The following RPH3AL variants were observed in gnomAD, a reference collection of about 807,000 sequenced individuals.
RPH3AL encodes the protein rabphilin 3A like (without C2 domains).
In RPH3AL, 38 loss-of-function variants were observed where a neutral mutation model predicts 43.1. The observed-to-expected ratio is 0.88, with a 90% CI of 0.68 to 1.15. RPH3AL has a LOEUF of 1.15. Among genes scored for constraint, RPH3AL ranks in the 50% most tolerant of loss-of-function variants. The probability of loss-of-function intolerance (pLI) is 0.00; values close to 1 mark genes in which losing one functional copy is unlikely to be tolerated. For synonymous variants in RPH3AL, 189 were observed against 176.3 expected (o/e 1.07, Z -0.57); for missense variants, 462 against 423.2 (o/e 1.09, Z -0.81).
intron 6 of RPH3AL, among the ~76,000 whole-genome samples, chr17:268,918 A>C (rs377546801): frequency 6.6e-6 from 1 of 151,214 alleles, no homozygotes; most frequent in African/African-American, 2.4e-5. Flanking sequence ...TCGCTCCGTC[A>C]CCCAGGCTGG....
chr17:221,816 G>GCCTCCACTCACT (rs2151502722), intron 7 of RPH3AL, among the ~76,000 whole-genome samples: 1 of 113,110 alleles, frequency 8.8e-6, no homozygotes, highest in Non-Finnish European at 1.9e-5. Context: ...CAGCTCTGAG[G>GCCTCCACTCACT]GCTCCACTCA....
rs544593058 is a variant in RPH3AL, at chr17:278,181, C to T, written c.438+3587G>A. ...GGGGCGGTTCCCTCCATACTGTTCT[C>T]GTGATAGTGAATGAGTCTCACGAGA... is the stretch of plus-strand genomic sequence containing the variant. On this transcript the variant is annotated intron_variant, in intron 6 of 9. Transcript: ENST00000331302. Among the ~76,000 whole-genome samples, 9 of 152,204 alleles carry T rather than the reference C, an allele frequency of 5.9e-5. No homozygotes were observed. The South Asian group carries it at 1.2e-3, about 21-fold the overall frequency.
chr17:213,664 G>A lies in RPH3AL; in HGVS notation c.*188C>T, dbSNP rs1247165530. On this transcript the variant is annotated 3_prime_UTR_variant, in exon 10 of 10. Coordinates refer to ENST00000331302, the MANE Select transcript of RPH3AL (RefSeq NM_006987.4). Reference sequence around the variant, plus strand: ...GTGGTTGGAGGGGGTGGCGGATGCAGACAGCTCCCCAGGAGAGAAGGGGTG... The same window carrying A: ...GTGGTTGGAGGGGGTGGCGGATGCAAACAGCTCCCCAGGAGAGAAGGGGTG... 2 of 615,066 alleles carry A rather than the reference G, an allele frequency of 3.3e-6. No homozygotes were observed. The highest frequency in any genetic ancestry group is 2.6e-5 in the Admixed American group (1 of 38,202). The allele number at this position is 615,066 out of a possible 1,614,324, so 38.1% of individuals were successfully genotyped here. A position where few individuals can be genotyped will look rare whatever the true frequency, so the allele number is the denominator to read the frequency against.
At chr17:315,926 G>C (rs1282629398) in intron 5 of RPH3AL, among the ~76,000 whole-genome samples, 24 of 138,300 alleles carry the variant, frequency 1.7e-4, no homozygotes, top group Admixed American at 6.5e-4. Flanking sequence ...TGTAGTCCCT[G>C]TGCCCCCACC....
At chr17:232,541 AG>A (rs1206145468) in intron 7 of RPH3AL, among the ~76,000 whole-genome samples, 1 of 152,174 alleles carries the variant, frequency 6.6e-6, no homozygotes, top group Non-Finnish European at 1.5e-5. Context: ...TGTCTCTCCC[AG>A]CGGGACCCAC....
chr17:336,757 T>C (rs964510300), intron 1 of RPH3AL, among the ~76,000 whole-genome samples: 6 of 152,212 alleles, frequency 3.9e-5, no homozygotes, highest in African/African-American at 1.2e-4. Flanking sequence ...CCTTGCATTC[T>C]GCCAGCCACC....
At chr17:324,120 G>A (rs1017647088) in intron 3 of RPH3AL, among the ~76,000 whole-genome samples, 2 of 152,222 alleles carry the variant, frequency 1.3e-5, no homozygotes, top group African/African-American at 4.8e-5. Context: ...GAAACGAGGT[G>A]CGGAACGTAG....
At chr17:243,219 C>T (rs553525362) in intron 7 of RPH3AL, among the ~76,000 whole-genome samples, 19 of 146,566 alleles carry the variant, frequency 1.3e-4, no homozygotes, top group African/African-American at 4.3e-4. Flanking sequence ...GACTACCTTC[C>T]TCTATTGACT....
intron 1 of RPH3AL, chr17:339,486 C>T (rs902415069): frequency 6.6e-6 from 1 of 152,466 alleles, no homozygotes; most frequent in Non-Finnish European, 1.5e-5. Flanking sequence ...AGGAAGAAGC[C>T]GCCTCCATGG....
chr17:321,147 C>A, intron 4 of RPH3AL, 125 bp downstream of exon 4: 1 of 1,218,868 alleles, frequency 8.2e-7, no homozygotes, highest in Non-Finnish European at 1.1e-6. Flanking sequence ...GAGTCAGGGA[C>A]CTCCTCACCC....
At chr17:314,590 C>T (rs906962048) in intron 5 of RPH3AL, among the ~76,000 whole-genome samples, 31 of 127,868 alleles carry the variant, frequency 2.4e-4, no homozygotes, top group Middle Eastern at 4.3e-3. Context: ...AGTCTCTGTG[C>T]TCCACCTCCA....
chr17:277,941 T>C (rs1161766661), intron 6 of RPH3AL, among the ~76,000 whole-genome samples: 3 of 151,666 alleles, frequency 2.0e-5, no homozygotes, highest in East Asian at 1.9e-4. Context: ...GGTGACACAG[T>C]GAGATCCTGT....
Position 290,003 on chromosome 17 carries a change from C to T in RPH3AL, c.352-8149G>A, listed in dbSNP as rs527747720. ...GTCATCTTCCCAAGGGCAGAGGCCACGTCTATTTCTGTTCACCCTCCTGCT... is the reference window on the plus strand; with the variant it reads ...GTCATCTTCCCAAGGGCAGAGGCCATGTCTATTTCTGTTCACCCTCCTGCT... On this transcript the variant is annotated intron_variant, in intron 5 of 9. Transcript: ENST00000331302. The surrounding 1 kb of genome is among the most constrained non-coding windows in gnomAD (Gnocchi z 4.2). Among the ~76,000 whole-genome samples, 4 of 152,326 alleles carry T rather than the reference C, an allele frequency of 2.6e-5. No homozygotes were observed. The South Asian group carries it at 6.2e-4, about 24-fold the overall frequency.
intron 6 of RPH3AL, among the ~76,000 whole-genome samples, chr17:262,461 G>A (rs1291164252): frequency 4.6e-5 from 7 of 152,090 alleles, no homozygotes; most frequent in Non-Finnish European, 8.8e-5. Context: ...TGATCCACCC[G>A]CCTCGGCCTC....
At chr17:253,361 C>G (rs1045581309) in intron 6 of RPH3AL, among the ~76,000 whole-genome samples, 2 of 152,160 alleles carry the variant, frequency 1.3e-5, no homozygotes, top group Admixed American at 1.3e-4. Context: ...GAGACTAAGA[C>G]ACCCCACAGA....
rs996480616 is a variant in RPH3AL, at chr17:328,260, G to A, written c.-36-681C>T. On this transcript the variant is annotated intron_variant, in intron 2 of 9. Transcript: ENST00000331302. The surrounding 1 kb of genome is among the most constrained non-coding windows in gnomAD (Gnocchi z 4.2). The stretch of plus-strand genomic sequence containing the variant: ...TCACCTGTGCACTGTCTAGTGTGCC[G>A]GCTTTCTCCCTGCCTCCCAGGACAG... Among the ~76,000 whole-genome samples the A allele has an allele frequency of 2.0e-5, 3 of 151,498 alleles. No homozygotes were observed. The highest frequency in any genetic ancestry group is 3.9e-4 in the East Asian group (2 of 5,152).
rs2044517591 is a variant in RPH3AL at position 322,837 on chromosome 17, A to AG, written c.78-1423dup. Among the ~76,000 whole-genome samples the AG allele has an allele frequency of 6.6e-6, 1 of 152,050 alleles. No homozygotes were observed. The highest frequency in any genetic ancestry group is 2.4e-5 in the African/African-American group (1 of 41,406). On this transcript the variant is annotated intron_variant, in intron 3 of 9. Coordinates refer to ENST00000331302, the MANE Select transcript of RPH3AL (RefSeq NM_006987.4). The surrounding 1 kb of genome is among the most constrained non-coding windows in gnomAD (Gnocchi z 4.0). ...CTAATACGCATATCCTTTCTCTGTC[A>AG]GGGGGAGCTGGGGGCTGATGAATGT...
Position 290,357 on chromosome 17 carries a change from C to T in RPH3AL, c.352-8503G>A, listed in dbSNP as rs2043020024. The stretch of plus-strand genomic sequence containing the variant: ...GAGCATAAACCCAGGCTGGCCCGGC[C>T]ACAGGGGAAATGACTCCGGGAATCC... On this transcript the variant is annotated intron_variant, in intron 5 of 9. Coordinates refer to ENST00000331302, the MANE Select transcript of RPH3AL (RefSeq NM_006987.4). The surrounding 1 kb of genome is among the most constrained non-coding windows in gnomAD (Gnocchi z 4.2). 6.6e-6 allele frequency among the ~76,000 whole-genome samples: 1 copy of T among 151,634 alleles called. No homozygotes were observed. Among genetic ancestry groups the T allele is most frequent in the African/African-American group, 2.4e-5 (1 of 41,256 alleles).
chr17:285,789 C>A (rs1388716663), intron 5 of RPH3AL, among the ~76,000 whole-genome samples: 2 of 152,200 alleles, frequency 1.3e-5, no homozygotes, highest in Non-Finnish European at 2.9e-5. Flanking sequence ...ACAGCCTGCT[C>A]CCCTGCTCCC....
Sources: allele counts gnomAD v4.1 joint callset (sites outside exome capture counted in the v4.1 genomes callset), GRCh38; gene constraint gnomAD v4.1.1; non-coding constraint Gnocchi (gnomAD v3.1); transcripts MANE v1.5; gene names NCBI Gene and HGNC (gene_info 2026-07-23, HGNC 2026-07-21).